The following ODAD4 variants were observed in gnomAD, a reference collection of about 807,000 sequenced individuals.
ODAD4 encodes outer dynein arm docking complex subunit 4.
Under a neutral mutation model 51.8 loss-of-function variants are expected in ODAD4, and 49 were observed. That is an observed-to-expected ratio of 0.95 (90% CI 0.75 to 1.20). ODAD4 has a LOEUF of 1.20. Ranked by LOEUF, ODAD4 falls within the 50% of genes most tolerant of loss-of-function variation. The probability of loss-of-function intolerance (pLI) is 0.00; values close to 1 mark genes in which losing one functional copy is unlikely to be tolerated. For synonymous variants in ODAD4, 235 were observed against 221.3 expected (o/e 1.06, Z -0.55); for missense variants, 590 against 586.5 (o/e 1.01, Z -0.06).
chr17:41,964,932 C>T (rs1476284617), intron 11 of ODAD4, 61 bp from the exon 12 acceptor site: 22 of 639,690 alleles, frequency 3.4e-5, no homozygotes, highest in East Asian at 1.6e-4. Context: ...CGTGAGCCAC[C>T]GCACCCGGCC....
intron 9 of ODAD4, among the ~76,000 whole-genome samples, chr17:41,951,500 C>T (rs1215014790): frequency 3.3e-5 from 5 of 151,698 alleles, no homozygotes; most frequent in Non-Finnish European, 7.4e-5. Context: ...AATGCAGTGG[C>T]GCGATCTTGG....
chr17:41,934,038 C>CT (rs782039270), intron 1 of ODAD4, among the ~76,000 whole-genome samples: 43,451 of 65,678 alleles, frequency 0.66, 16,379 homozygotes, highest in South Asian at 0.78. Flanking sequence ...TTCTTTCTTT[C>CT]TTTTTTTTTT....
chr17:41,938,478 C>T (rs1362358932), intron 5 of ODAD4, 79 bp from the exon 6 acceptor site: 22 of 1,188,900 alleles, frequency 1.9e-5, no homozygotes, highest in East Asian at 1.2e-4. Context: ...GGCCCTGCAG[C>T]GGCCACCGGG....
intron 1 of ODAD4, among the ~76,000 whole-genome samples, chr17:41,932,726 C>CTTT (rs10712306): frequency 4.5e-5 from 5 of 112,042 alleles, no homozygotes; most frequent in Non-Finnish European, 7.5e-5. Flanking sequence ...TTCTTTTCTT[C>CTTT]TTTTTTTTTT....
intron 8 of ODAD4, among the ~76,000 whole-genome samples, chr17:41,947,221 C>T (rs1458157485): frequency 6.6e-6 from 1 of 151,056 alleles, no homozygotes; most frequent in East Asian, 2.0e-4. Context: ...CGCCTGTAAT[C>T]CCAGCACTTT....
chr17:41,931,275 A>G (rs997948543), intron 1 of ODAD4, among the ~76,000 whole-genome samples: 5 of 151,974 alleles, frequency 3.3e-5, no homozygotes, highest in African/African-American at 1.2e-4. Context: ...TTATTCACTG[A>G]TTTTTGATGG....
intron 9 of ODAD4, among the ~76,000 whole-genome samples, chr17:41,952,838 C>T (rs1336894806): frequency 6.6e-6 from 1 of 151,964 alleles, no homozygotes; most frequent in Non-Finnish European, 1.5e-5. Flanking sequence ...TCCCAGGCTC[C>T]GGTGATTCTC....
At chr17:41,936,706 C>T (rs2050432901) in intron 4 of ODAD4, 56 bp from the exon 5 acceptor site, 10 of 1,600,356 alleles carry the variant, frequency 6.2e-6, no homozygotes, top group Non-Finnish European at 8.5e-6. Flanking sequence ...AGGGCCATGG[C>T]TGGGTACACT....
chr17:41,947,309 T>TA (rs1290047327), intron 8 of ODAD4, among the ~76,000 whole-genome samples: 14 of 144,296 alleles, frequency 9.7e-5, no homozygotes, highest in Admixed American at 4.2e-4. Flanking sequence ...CTGTCTCTAC[T>TA]AAAAAAAAAG....
Position 41,935,544 on chromosome 17 carries a change from G to T in ODAD4, c.247-55G>T, listed in dbSNP as rs192189159. On this transcript the variant is annotated intron_variant, in intron 2 of 11. Transcript: ENST00000377540. ...CCAGGACCCTTCTGTTCCACCACAT[G>T]TGAGTCCTATAAGGCCTTATCTGTT... is the stretch of plus-strand genomic sequence containing the variant. The T allele has an allele frequency of 3.3e-4, 518 of 1,572,380 alleles. 2 individuals carry two copies. The highest frequency in any genetic ancestry group is 4.2e-5 in the Non-Finnish European group (48 of 1,156,284).
rs781968661 is a variant in ODAD4, at chr17:41,935,310, G to T, written c.208G>T (p.Ala70Ser). 1 of 1,613,990 alleles carries T rather than the reference G, an allele frequency of 6.2e-7. No individual in the cohort carries two copies. Among genetic ancestry groups the T allele is most frequent in the South Asian group, 1.1e-5 (1 of 91,078 alleles). The change falls in exon 2 of 12, where the codon GCT (alanine) becomes TCT (serine). Residue 70 changes from alanine (A) to serine (S), a missense_variant. Coordinates refer to ENST00000377540, the MANE Select transcript of ODAD4 (RefSeq NM_031421.5). ...MGDLERSLKD[A>S]EASLQSDPAF... ...AGACTTGGAGAGATCCCTGAAGGATGCTGAGGCTTCGCTCCAGAGTGACCC... is the reference window on the plus strand; with the variant it reads ...AGACTTGGAGAGATCCCTGAAGGATTCTGAGGCTTCGCTCCAGAGTGACCC...
At chr17:41,951,207 C>T (rs919137934) in intron 9 of ODAD4, among the ~76,000 whole-genome samples, 1 of 148,356 alleles carries the variant, frequency 6.7e-6, no homozygotes, top group Admixed American at 6.7e-5. Context: ...GCCTCAGTCT[C>T]CTGAGTAGCT....
chr17:41,940,191 G>A (rs1272914674), intron 7 of ODAD4, among the ~76,000 whole-genome samples: 4 of 152,008 alleles, frequency 2.6e-5, no homozygotes, highest in Admixed American at 6.6e-5. Flanking sequence ...TGCCCTCACA[G>A]TGCCCAGCCC....
In ODAD4 at chr17:41,933,371, C is replaced by A. The variant is rs910516575; in HGVS notation, c.115-1846C>A. On this transcript the variant is annotated intron_variant, in intron 1 of 11. Coordinates refer to ENST00000377540, the MANE Select transcript of ODAD4 (RefSeq NM_031421.5). Reference sequence around the variant, plus strand: ...GTCTCAAAAAAAAAAAAAAAAAAGACCAGGTCAGGTGGCTCATGCCTGTAA... The same window carrying A: ...GTCTCAAAAAAAAAAAAAAAAAAGAACAGGTCAGGTGGCTCATGCCTGTAA... 1.4e-4 allele frequency among the ~76,000 whole-genome samples: 20 copies of A among 147,444 alleles called. 1 individual carries two copies. Among genetic ancestry groups the A allele is most frequent in the Admixed American group, 1.4e-4 (2 of 14,796 alleles).
chr17:41,938,673 A>G lies in ODAD4; in HGVS notation c.742A>G (p.Arg248Gly), dbSNP rs1405735023. The change falls in exon 6 of 12, where the codon AGG becomes GGG. Residue 248 changes from arginine (R) to glycine (G), a missense_variant. By Grantham distance (125) the Arg-to-Gly change is moderately radical. Transcript: ENST00000377540. ...FWRQQKPIYA[R>G]ERDRKLMQEK... ...GAGGCAGCAGAAGCCGATCTACGCC[A>G]GGGAGCGGGACCGGAAGCTGATGCA... is the stretch of plus-strand genomic sequence containing the variant. 1.2e-6 allele frequency: 2 copies of G among 1,613,882 alleles called. No homozygotes were observed. Among genetic ancestry groups the G allele is most frequent in the Non-Finnish European group, 1.7e-6 (2 of 1,179,912 alleles).
intron 7 of ODAD4, among the ~76,000 whole-genome samples, chr17:41,939,793 C>G (rs2050481566): frequency 1.3e-5 from 2 of 152,118 alleles, no homozygotes; most frequent in African/African-American, 4.8e-5. Context: ...TCTTTTAAAA[C>G]CGGTGCTGAT....
intron 9 of ODAD4, among the ~76,000 whole-genome samples, chr17:41,952,381 A>G (rs1288438533): frequency 1.3e-5 from 2 of 148,538 alleles, no homozygotes; most frequent in African/African-American, 4.9e-5. Context: ...AAAAAAAAAA[A>G]AAAAAATTAG....
At chr17:41,947,248 C>T (rs1244982836) in intron 8 of ODAD4, among the ~76,000 whole-genome samples, 9 of 148,952 alleles carry the variant, frequency 6.0e-5, no homozygotes, top group Admixed American at 2.0e-4. Context: ...CAGAGGCGAG[C>T]GGATCACAAG....
chr17:41,963,676 T>A (rs1231388640), intron 11 of ODAD4, among the ~76,000 whole-genome samples: 1 of 151,894 alleles, frequency 6.6e-6, no homozygotes, highest in African/African-American at 2.4e-5. Context: ...TCTTGTTCTG[T>A]CATCCAGGCT....
Sources: allele counts gnomAD v4.1 joint callset (sites outside exome capture counted in the v4.1 genomes callset), GRCh38; gene constraint gnomAD v4.1.1; transcripts MANE v1.5; gene names NCBI Gene and HGNC (gene_info 2026-07-23, HGNC 2026-07-21).